The following NREP variants were observed in gnomAD, a reference collection of about 807,000 sequenced individuals.
The protein encoded by NREP is neuronal regeneration-related protein.
NREP carries 5 observed loss-of-function variants against 8.6 expected under a neutral mutation model. The ratio of observed to expected loss-of-function variants is 0.58; its 90% CI spans 0.30 to 1.22. The LOEUF is 1.22. Among genes scored for constraint, NREP ranks in the 50% most tolerant of loss-of-function variants. The probability of loss-of-function intolerance (pLI) is 0.07; values close to 1 mark genes in which losing one functional copy is unlikely to be tolerated. For missense variants in NREP, 86 were observed against 82.5 expected (o/e 1.04, Z -0.17); for synonymous variants, 27 against 28.0 (o/e 0.96, Z 0.11).
chr5:111,843,981 A>G (rs1753095575), intron 2 of NREP, among the ~76,000 whole-genome samples: 1 of 152,206 alleles, frequency 6.6e-6, no homozygotes, highest in Non-Finnish European at 1.5e-5. Flanking sequence ...TGTCAACTAT[A>G]TGCTCTTTAA....
chr5:111,754,042 G>A (rs988146891), intron 2 of NREP, among the ~76,000 whole-genome samples: 1 of 152,160 alleles, frequency 6.6e-6, no homozygotes, highest in East Asian at 1.9e-4. Flanking sequence ...CAATGGGCTT[G>A]TGCCAAAAGG....
At chr5:111,954,024 T>C (rs2112639605) in intron 2 of NREP, among the ~76,000 whole-genome samples, 1 of 152,232 alleles carries the variant, frequency 6.6e-6, no homozygotes, top group African/African-American at 2.4e-5. Context: ...TAACTTTATG[T>C]TCTAGGGCTC....
chr5:111,826,564 C>T (rs889464774), intron 2 of NREP, among the ~76,000 whole-genome samples: 1 of 152,170 alleles, frequency 6.6e-6, no homozygotes, highest in African/African-American at 2.4e-5. Flanking sequence ...CAGGACACAC[C>T]ATCTTTAAGA....
chr5:111,919,993 C>A (rs1408509473), intron 2 of NREP, among the ~76,000 whole-genome samples: 2 of 135,364 alleles, frequency 1.5e-5, no homozygotes, highest in African/African-American at 5.6e-5. Context: ...CCCACACACA[C>A]AAAGAAGTCA....
chr5:111,954,209 G>T (rs765276813), intron 2 of NREP, among the ~76,000 whole-genome samples: 19 of 152,092 alleles, frequency 1.2e-4, no homozygotes, highest in Non-Finnish European at 2.4e-4. Context: ...GATATTAGAA[G>T]AACTGTCAGG....
intron 2 of NREP, among the ~76,000 whole-genome samples, chr5:111,972,274 C>A (rs572822418): frequency 6.6e-6 from 1 of 152,200 alleles, no homozygotes; most frequent in African/African-American, 2.4e-5. Context: ...GGAACCACTG[C>A]ATACTGTTGA....
chr5:111,828,472 T>C (rs904945822), intron 2 of NREP, among the ~76,000 whole-genome samples: 1 of 152,206 alleles, frequency 6.6e-6, no homozygotes, highest in Non-Finnish European at 1.5e-5. Context: ...ATAACCTATA[T>C]GTCTCTTTGG....
At chr5:111,777,118 A>C (rs1008495596) in intron 2 of NREP, among the ~76,000 whole-genome samples, 1 of 152,038 alleles carries the variant, frequency 6.6e-6, no homozygotes. Flanking sequence ...TGTTAAGTGA[A>C]AGTATTTCTC....
At chr5:111,770,225 A>G (rs1424308130) in intron 2 of NREP, among the ~76,000 whole-genome samples, 1 of 152,214 alleles carries the variant, frequency 6.6e-6, no homozygotes, top group Non-Finnish European at 1.5e-5. Flanking sequence ...CAAGTATAAA[A>G]GCATTCATGT....
At chr5:111,952,251 C>T (rs1320287343) in intron 2 of NREP, among the ~76,000 whole-genome samples, 2 of 152,108 alleles carry the variant, frequency 1.3e-5, no homozygotes, top group Admixed American at 1.3e-4. Context: ...AGAGCCGTCT[C>T]TACCATCTAC....
chr5:111,897,302 A>G (rs1754533706), intron 2 of NREP, among the ~76,000 whole-genome samples: 1 of 152,198 alleles, frequency 6.6e-6, no homozygotes, highest in Non-Finnish European at 1.5e-5. Flanking sequence ...ACTGGAACAC[A>G]AGTACTTTAA....
chr5:111,963,596 G>A (rs1756542529), intron 2 of NREP, among the ~76,000 whole-genome samples: 1 of 152,164 alleles, frequency 6.6e-6, no homozygotes, highest in African/African-American at 2.4e-5. Context: ...TTTCATGGTT[G>A]TATTTACTGC....
chr5:111,850,637 T>C (rs1410381991), intron 2 of NREP, among the ~76,000 whole-genome samples: 1 of 152,156 alleles, frequency 6.6e-6, no homozygotes, highest in Non-Finnish European at 1.5e-5. Flanking sequence ...AAATGACAGT[T>C]ATATTCGGTT....
At chr5:111,892,028 A>G (rs1754406926) in intron 2 of NREP, among the ~76,000 whole-genome samples, 1 of 152,338 alleles carries the variant, frequency 6.6e-6, no homozygotes, top group South Asian at 2.1e-4. Flanking sequence ...ATGAGACACT[A>G]GAAAGCAATA....
chr5:111,860,880 G>A (rs1170395723), intron 2 of NREP, among the ~76,000 whole-genome samples: 3 of 152,088 alleles, frequency 2.0e-5, no homozygotes, highest in Non-Finnish European at 2.9e-5. Context: ...CTAAACTAAG[G>A]TTCATGGCTC....
intron 2 of NREP, among the ~76,000 whole-genome samples, chr5:111,809,609 C>G (rs983821608): frequency 1.9e-4 from 29 of 152,066 alleles, no homozygotes; most frequent in African/African-American, 6.8e-4. Flanking sequence ...TCGGGTTTTG[C>G]CTCTTCTCAT....
chr5:111,784,247 G>C (rs1270005765), intron 2 of NREP, among the ~76,000 whole-genome samples: 1 of 152,124 alleles, frequency 6.6e-6, no homozygotes, highest in Non-Finnish European at 1.5e-5. Flanking sequence ...AGGCCCATAG[G>C]TGGTATGTTT....
intron 2 of NREP, among the ~76,000 whole-genome samples, chr5:111,753,774 A>G (rs1039357761): frequency 6.6e-6 from 1 of 152,200 alleles, no homozygotes. Context: ...ACTCTAAGTA[A>G]GCCAGTTACA....
intron 2 of NREP, among the ~76,000 whole-genome samples, chr5:111,804,274 G>A (rs115824505): frequency 4.9e-4 from 74 of 152,260 alleles, no homozygotes; most frequent in African/African-American, 1.7e-3. Context: ...CAAAACACTG[G>A]AGGAATAGAT....
Sources: allele counts gnomAD v4.1 joint callset (sites outside exome capture counted in the v4.1 genomes callset), GRCh38; gene constraint gnomAD v4.1.1; transcripts MANE v1.5; gene names NCBI Gene and HGNC (gene_info 2026-07-23, HGNC 2026-07-21).